HSD17B13: variants seen among roughly 807,000 people sequenced by gnomAD.
The protein encoded by HSD17B13 is hydroxysteroid 17-beta dehydrogenase 13.
A neutral mutation model predicts 31.1 loss-of-function variants in HSD17B13; 26 were observed. That is an observed-to-expected ratio of 0.84 (90% CI 0.61 to 1.16). The LOEUF (loss-of-function observed/expected upper bound fraction) is 1.16. Among genes scored for constraint, HSD17B13 ranks in the 50% most tolerant of loss-of-function variants. The probability of loss-of-function intolerance (pLI) is 0.00; values close to 1 mark genes in which losing one functional copy is unlikely to be tolerated. For missense variants in HSD17B13, 374 were observed against 366.5 expected, an observed-to-expected ratio of 1.02 and a Z score of -0.17; for synonymous variants, 141 against 133.7, an observed-to-expected ratio of 1.05 and a Z score of -0.38.
In HSD17B13 at chr4:87,312,888, C is replaced by T. The variant is rs901050768; in HGVS notation, c.695+935G>A. Among the ~76,000 whole-genome samples, 10 of 151,526 alleles carry T rather than the reference C, an allele frequency of 6.6e-5. No individual in the cohort carries two copies. In the South Asian group the frequency reaches 1.0e-3, roughly 16 times the overall value. The stretch of plus-strand genomic sequence containing the variant: ...CAGCCTGGCCAACATGGTGAAACCC[C>T]GTCTCTACTAAAAATACAAAAATTA... On this transcript the variant is annotated intron_variant, in intron 5 of 6. Coordinates refer to ENST00000328546, the MANE Select transcript of HSD17B13 (RefSeq NM_178135.5).
chr4:87,310,985 A>AGAAGCC (rs1335347286), intron 5 of HSD17B13, among the ~76,000 whole-genome samples: 1 of 152,116 alleles, frequency 6.6e-6, no homozygotes, highest in Non-Finnish European at 1.5e-5. Flanking sequence ...GGTGCAGTAA[A>AGAAGCC]GAAGCCGGCC....
rs781501746 is a variant in HSD17B13 at position 87,310,245 on chromosome 4, C to T, written c.810G>A (p.Gln270=). The change falls in exon 6 of 7, where the codon CAG becomes CAA. Residue 270 remains glutamine, a splice_region_variant and synonymous_variant. Transcript: ENST00000328546. The part of the protein sequence containing the change: ...PSYINIFLRL[Q]KFLPERASAI... ...TGGGTGTTCTGTGCTGTACTTACTT[C>T]TGTAGTCTCAGAAAGATATTGATAT... 6.4e-7 allele frequency: 1 copy of T among 1,556,574 alleles called. No individual in the cohort carries two copies.
At chr4:87,311,097 C>T (rs1465070061) in intron 5 of HSD17B13, among the ~76,000 whole-genome samples, 1 of 152,140 alleles carries the variant, frequency 6.6e-6, no homozygotes, top group Non-Finnish European at 1.5e-5. Flanking sequence ...GAGACACTTC[C>T]ACCAGCACTA....
At chr4:87,314,060 A>T in intron 4 of HSD17B13, 100 bp from the exon 5 acceptor site, 5 of 928,694 alleles carry the variant, frequency 5.4e-6, no homozygotes, top group Non-Finnish European at 7.6e-6. Context: ...AACAAGTGGA[A>T]GCCAAAAATC....
rs1188972907 is a variant in HSD17B13 at position 87,322,808 on chromosome 4, T to G, written c.34A>C (p.Ile12Leu). The G allele has an allele frequency of 1.2e-6, 2 of 1,614,000 alleles. No homozygotes were observed. Among genetic ancestry groups the G allele is most frequent in the Admixed American group, 1.7e-5 (1 of 60,000 alleles). ...NIILEILLLL[I>L]TIIYSYLESL... The stretch of plus-strand genomic sequence containing the variant: ...TCCAAGTAGGAGTAGATGATGGTGA[T>G]CAGAAGCAGAAGGATTTCTAGGATG... The change falls in exon 1 of 7, where the codon ATC becomes CTC. Residue 12 changes from isoleucine (I) to leucine (L), a missense_variant. Physicochemically the swap from Ile to Leu is conservative, Grantham distance 5 (BLOSUM62 2). Transcript: ENST00000328546.
Position 87,322,752 on chromosome 4 carries a change from C to T in HSD17B13, c.90G>A (p.Arg30=). ...ESLVKFFIPQ[R]RKSVAGEIVL... is the part of the protein sequence containing the mutation. Reference sequence around the variant, plus strand: ...CAATCTCCCCAGCCACAGATTTTCTCCTCTGAGGAATGAAAAACTTCACCA... The same window carrying T: ...CAATCTCCCCAGCCACAGATTTTCTTCTCTGAGGAATGAAAAACTTCACCA... Residue 30 remains arginine, a synonymous_variant, in exon 1 of 7, where the codon AGG becomes AGA. Transcript: ENST00000328546. 3.1e-6 allele frequency: 5 copies of T among 1,614,030 alleles called. No individual in the cohort carries two copies. Among genetic ancestry groups the T allele is most frequent in the South Asian group, 1.1e-5 (1 of 91,080 alleles).
At chr4:87,307,096 G>A (rs1316916684) in intron 6 of HSD17B13, among the ~76,000 whole-genome samples, 2 of 151,938 alleles carry the variant, frequency 1.3e-5, no homozygotes, top group Non-Finnish European at 2.9e-5. Flanking sequence ...GGGAAGATCT[G>A]GCTGAAAGAA....
chr4:87,308,222 A>C (rs1300970194), intron 6 of HSD17B13, among the ~76,000 whole-genome samples: 2 of 152,112 alleles, frequency 1.3e-5, no homozygotes, highest in African/African-American at 4.8e-5. Context: ...TATTATCAGC[A>C]TATTCATTTG....
Position 87,309,661 on chromosome 4 carries a change from A to C in HSD17B13, c.812+582T>G, listed in dbSNP as rs1376928526. ...TGGAGTCTTTATTATTAACTACTTCACTATATTGCATTCTTTTTAAACTGT... is the reference window on the plus strand; with the variant it reads ...TGGAGTCTTTATTATTAACTACTTCCCTATATTGCATTCTTTTTAAACTGT... On this transcript the variant is annotated intron_variant, in intron 6 of 6. Transcript: ENST00000328546. Among the ~76,000 whole-genome samples, 3 of 152,162 alleles carry C rather than the reference A, an allele frequency of 2.0e-5. No individual in the cohort carries two copies. The South Asian group carries it at 6.2e-4, about 32-fold the overall frequency.
chr4:87,309,245 G>A (rs981752607), intron 6 of HSD17B13, among the ~76,000 whole-genome samples: 6 of 151,394 alleles, frequency 4.0e-5, no homozygotes, highest in African/African-American at 7.3e-5. Flanking sequence ...TTAGTTGGGC[G>A]AGGGGGCAGG....
chr4:87,322,054 T>A (rs955630467), intron 1 of HSD17B13, among the ~76,000 whole-genome samples: 7 of 152,240 alleles, frequency 4.6e-5, no homozygotes, highest in Admixed American at 4.6e-4. Flanking sequence ...CCTGACTCAC[T>A]GCGCACATAT....
chr4:87,315,498 TG>T lies in HSD17B13; in HGVS notation c.551del (p.Pro184HisfsTer16), dbSNP rs868458007. ...CGHEGIPYLI[P>X]YCSSKFAAVG... ...GGCTGGCATGTGATACTTACCAATA[TG>T]GGATGAGGTAAGGAATCCCTTCGTG... On this transcript the variant is annotated frameshift_variant, in exon 4 of 7. Coordinates refer to ENST00000328546, the MANE Select transcript of HSD17B13 (RefSeq NM_178135.5). LOFTEE classifies it high-confidence loss of function. 7 of 1,581,478 alleles carry T rather than the reference TG, an allele frequency of 4.4e-6. No homozygotes were observed. The highest frequency in any genetic ancestry group is 6.1e-6 in the Non-Finnish European group (7 of 1,152,134).
chr4:87,310,735 T>C (rs1734512399), intron 5 of HSD17B13, among the ~76,000 whole-genome samples: 1 of 152,154 alleles, frequency 6.6e-6, no homozygotes, highest in Non-Finnish European at 1.5e-5. Flanking sequence ...AAGGAGAAAA[T>C]TCTATAGCTA....
intron 1 of HSD17B13, among the ~76,000 whole-genome samples, chr4:87,320,442 A>C (rs1170372978): frequency 7.7e-6 from 1 of 129,798 alleles, no homozygotes; most frequent in East Asian, 2.5e-4. Flanking sequence ...GCTGGAGTGC[A>C]GTGGCGTCAT....
Position 87,304,874 on chromosome 4 carries a change from T to G in HSD17B13, c.*344A>C, listed in dbSNP as rs1178896904. On this transcript the variant is annotated 3_prime_UTR_variant, in exon 7 of 7. Transcript: ENST00000328546. Reference sequence around the variant, plus strand: ...TACTTGAACAGTCTTAAACCTTCCCTGTGTAAATAAGTTCTCTTTGTATTT... The same window carrying G: ...TACTTGAACAGTCTTAAACCTTCCCGGTGTAAATAAGTTCTCTTTGTATTT... 1 of 168,082 alleles carries G rather than the reference T, an allele frequency of 5.9e-6. No individual in the cohort carries two copies. The highest frequency in any genetic ancestry group is 2.4e-5 in the African/African-American group (1 of 42,004). The allele number at this position is 168,082 out of a possible 1,614,324, so 10.4% of individuals were successfully genotyped here.
In HSD17B13 at chr4:87,317,014, G is replaced by T. The variant is rs1734663800; in HGVS notation, c.450+78C>A. 7 of 1,428,836 alleles carry T rather than the reference G, an allele frequency of 4.9e-6. No homozygotes were observed. In the Admixed American group the frequency reaches 1.0e-4, roughly 21 times the overall value. The allele number at this position is 1,428,836 out of a possible 1,614,324, so 88.5% of individuals were successfully genotyped here. A position where few individuals can be genotyped will look rare whatever the true frequency, so the allele number is the denominator to read the frequency against. On this transcript the variant is annotated intron_variant, in intron 3 of 6. Coordinates refer to ENST00000328546, the MANE Select transcript of HSD17B13 (RefSeq NM_178135.5). Reference sequence around the variant, plus strand: ...GATCTGGCCAGTTTCCTGTCCAGAAGTATGTGAACTCCGTTATAAGTTTCA... The same window carrying T: ...GATCTGGCCAGTTTCCTGTCCAGAATTATGTGAACTCCGTTATAAGTTTCA...
chr4:87,320,639 G>A (rs977348384), intron 1 of HSD17B13, among the ~76,000 whole-genome samples: 1 of 152,020 alleles, frequency 6.6e-6, no homozygotes, highest in African/African-American at 2.4e-5. Context: ...CGCCCGTCTC[G>A]GCCTCCCAAA....
At chr4:87,305,348 T>G in intron 6 of HSD17B13, 40 bp from the exon 7 acceptor site, 1 of 1,370,398 alleles carries the variant, frequency 7.3e-7, no homozygotes. Flanking sequence ...ATTTTCCATT[T>G]AAAATCTTTG....
intron 6 of HSD17B13, among the ~76,000 whole-genome samples, chr4:87,309,698 T>C (rs1366508031): frequency 3.3e-5 from 5 of 152,170 alleles, no homozygotes; most frequent in African/African-American, 1.2e-4. Flanking sequence ...TTTCCTTTAG[T>C]TAGAATAGTC....
Sources: allele counts gnomAD v4.1 joint callset (sites outside exome capture counted in the v4.1 genomes callset), GRCh38; gene constraint gnomAD v4.1.1; transcripts MANE v1.5; gene names NCBI Gene and HGNC (gene_info 2026-07-23, HGNC 2026-07-21).